SAMD8: variants seen among roughly 807,000 people sequenced by gnomAD.
The protein encoded by SAMD8 is sterile alpha motif domain containing 8.
SAMD8 carries 20 observed loss-of-function variants against 42.0 expected under a neutral mutation model. That is an observed-to-expected ratio of 0.48 (90% CI 0.34 to 0.69). SAMD8 has a LOEUF of 0.69. Ranked by LOEUF, SAMD8 falls within the 30% of genes least tolerant of loss-of-function variation. The pLI, the probability that SAMD8 is intolerant of heterozygous loss-of-function variation, is 0.01. For missense variants in SAMD8, 328 were observed against 511.6 expected, an observed-to-expected ratio of 0.64 and a Z score of 3.46; for synonymous variants, 162 against 173.0, an observed-to-expected ratio of 0.94 and a Z score of 0.50.
chr10:75,139,231 C>T (rs544172309), intron 1 of SAMD8, among the ~76,000 whole-genome samples: 7 of 152,004 alleles, frequency 4.6e-5, no homozygotes, highest in Admixed American at 2.6e-4. Flanking sequence ...GGCCTTCCAA[C>T]GTACTGGGAT....
At chr10:75,164,102 G>A (rs776936908) in intron 2 of SAMD8, among the ~76,000 whole-genome samples, 7 of 152,056 alleles carry the variant, frequency 4.6e-5, no homozygotes, top group Non-Finnish European at 5.9e-5. Context: ...TTGTAGTCCC[G>A]GCCACTTAGG....
rs573759432 is a variant in SAMD8, at chr10:75,126,337, ACT to A, written c.-16+14620_-16+14621del. On this transcript the variant is annotated intron_variant, in intron 1 of 5. Transcript: ENST00000542569. ...TTGAGGATTGAGTGAACTAATTATG[ACT>A]CTCTTTAATATCCCTTTCTAGACTG... 7.2e-5 allele frequency among the ~76,000 whole-genome samples: 11 copies of A among 152,116 alleles called. No homozygotes were observed. The South Asian group carries it at 2.1e-3, about 29-fold the overall frequency.
chr10:75,105,203 AG>A (rs2134382084), intron 1 of SAMD8, among the ~76,000 whole-genome samples: 1 of 152,172 alleles, frequency 6.6e-6, no homozygotes, highest in Non-Finnish European at 1.5e-5. Context: ...GTCCAGACCT[AG>A]GGGGAAGGGG....
chr10:75,163,776 TCC>T (rs1286535248), intron 2 of SAMD8, among the ~76,000 whole-genome samples: 1 of 152,198 alleles, frequency 6.6e-6, no homozygotes, highest in East Asian at 1.9e-4. Context: ...TCCCTCTCTC[TCC>T]TTTTTCTTTC....
chr10:75,134,690 G>C (rs1316562460), intron 1 of SAMD8, among the ~76,000 whole-genome samples: 3 of 152,078 alleles, frequency 2.0e-5, no homozygotes, highest in Non-Finnish European at 4.4e-5. Flanking sequence ...CTGTTGTACA[G>C]TAGGGTGACT....
intron 1 of SAMD8, among the ~76,000 whole-genome samples, chr10:75,115,899 C>T (rs1306843929): frequency 6.7e-6 from 1 of 149,342 alleles, no homozygotes; most frequent in Admixed American, 6.7e-5. Flanking sequence ...GGAGATCACA[C>T]CACTGCACTC....
intron 1 of SAMD8, among the ~76,000 whole-genome samples, chr10:75,112,923 T>G (rs1285618810): frequency 5.3e-5 from 8 of 152,212 alleles, no homozygotes. Context: ...CTTGCCACAG[T>G]CTAGGCGCAA....
chr10:75,162,141 G>T (rs1178217494), intron 2 of SAMD8, among the ~76,000 whole-genome samples: 1 of 152,084 alleles, frequency 6.6e-6, no homozygotes, highest in African/African-American at 2.4e-5. Flanking sequence ...GGTGGATCAC[G>T]TGAGGTCAGC....
chr10:75,176,738 T>C lies in SAMD8; in HGVS notation c.*46T>C. On this transcript the variant is annotated 3_prime_UTR_variant, in exon 6 of 6. Coordinates refer to ENST00000542569, the MANE Select transcript of SAMD8 (RefSeq NM_001174156.2). The surrounding 1 kb of genome is among the most constrained non-coding windows in gnomAD (Gnocchi z 4.3). ...TTGTGATTAAATATATAATAGTTGT[T>C]GAAAATGAGTAACTTTGCGTTCTCC... The C allele has an allele frequency of 7.3e-7, 1 of 1,376,456 alleles. No individual in the cohort carries two copies. The highest frequency in any genetic ancestry group is 9.7e-7 in the Non-Finnish European group (1 of 1,027,398). 85.3% of individuals were successfully genotyped at this position (1,376,456 alleles called of 1,614,324 possible). A position where few individuals can be genotyped will look rare whatever the true frequency, so the allele number is the denominator to read the frequency against.
chr10:75,164,637 T>A lies in SAMD8; in HGVS notation c.579-8T>A. 1 of 1,613,280 alleles carries A rather than the reference T, an allele frequency of 6.2e-7. No homozygotes were observed. The highest frequency in any genetic ancestry group is 8.5e-7 in the Non-Finnish European group (1 of 1,179,466). ...TCTTCAATTCAAAATCATTTTTTTC[T>A]GTTCCAGCGTTCCTAGAATCCCATG... On this transcript the variant is annotated splice_polypyrimidine_tract_variant and splice_region_variant and intron_variant, in intron 2 of 5. Coordinates refer to ENST00000542569, the MANE Select transcript of SAMD8 (RefSeq NM_001174156.2).
chr10:75,105,833 G>A lies in SAMD8; in HGVS notation c.-16+6105G>A, dbSNP rs151051282. The A allele has an allele frequency of 8.9e-5, 138 of 1,550,686 alleles. 1 individual carries two copies. The East Asian group carries it at 3.2e-3, about 37-fold the overall frequency. The stretch of plus-strand genomic sequence containing the variant: ...TAGGCCAGGACCAGCGTGGCAGAGC[G>A]GCTCACGCCCACCACACAGTGCACC... On this transcript the variant is annotated intron_variant, in intron 1 of 3. Coordinates refer to the SAMD8 transcript ENST00000447533.
At chr10:75,169,369 C>T (rs1444104317) in intron 4 of SAMD8, among the ~76,000 whole-genome samples, 3 of 150,336 alleles carry the variant, frequency 2.0e-5, no homozygotes, top group African/African-American at 7.4e-5. Context: ...CCTGTAATCC[C>T]AGCTACTCGG....
At chr10:75,122,355 T>C (rs998633398) in intron 1 of SAMD8, among the ~76,000 whole-genome samples, 3 of 152,176 alleles carry the variant, frequency 2.0e-5, no homozygotes, top group Non-Finnish European at 4.4e-5. Flanking sequence ...CTCACGCCTG[T>C]AATCTCAGCA....
chr10:75,140,962 T>A (rs1404131914), intron 1 of SAMD8, among the ~76,000 whole-genome samples: 1 of 152,336 alleles, frequency 6.6e-6, no homozygotes, highest in East Asian at 1.9e-4. Context: ...TTTGTCAGAT[T>A]TATCCCTGAG....
At chr10:75,112,436 T>C (rs1162825553) in intron 1 of SAMD8, among the ~76,000 whole-genome samples, 1 of 152,136 alleles carries the variant, frequency 6.6e-6, no homozygotes, top group Admixed American at 6.5e-5. Flanking sequence ...TAGGGCAATG[T>C]ACTTGGATCG....
intron 2 of SAMD8, among the ~76,000 whole-genome samples, chr10:75,159,316 CA>C (rs1451172761): frequency 6.6e-6 from 1 of 152,168 alleles, no homozygotes; most frequent in African/African-American, 2.4e-5. Flanking sequence ...TCTCAGCCCC[CA>C]CAAAGTGCAA....
At chr10:75,108,916 C>T (rs1023856486), upstream of SAMD8, 5 of 1,484,550 alleles carry the variant, frequency 3.4e-6, no homozygotes, top group Non-Finnish European at 3.6e-6. Context: ...AGAGCTATTT[C>T]TCCTTGTTTC....
chr10:75,164,788 T>A (rs1840637707), intron 3 of SAMD8, 48 bp downstream of exon 3: 1 of 1,298,332 alleles, frequency 7.7e-7, no homozygotes. Flanking sequence ...GACTCCTGTA[T>A]CAAGATCATA....
At chr10:75,170,789 T>G (rs11598057) in intron 4 of SAMD8, among the ~76,000 whole-genome samples, 12,437 of 147,468 alleles carry the variant, frequency 0.084, 379 homozygotes, top group Middle Eastern at 0.14. Context: ...TTTTTTTTTT[T>G]TTGAGGTGGA....
Sources: allele counts gnomAD v4.1 joint callset (sites outside exome capture counted in the v4.1 genomes callset), GRCh38; gene constraint gnomAD v4.1.1; non-coding constraint Gnocchi (gnomAD v3.1); transcripts MANE v1.5; gene names NCBI Gene and HGNC (gene_info 2026-07-23, HGNC 2026-07-21).